LIMCH1: variants seen among roughly 807,000 people sequenced by gnomAD.
LIMCH1 encodes LIM and calponin homology domains 1.
Under a neutral mutation model 176.5 loss-of-function variants are expected in LIMCH1, and 113 were observed. The observed-to-expected ratio is 0.64, with a 90% CI of 0.55 to 0.75. LIMCH1 has a LOEUF of 0.75. LIMCH1 is among the 30% of genes least tolerant of loss of function. LIMCH1 has a pLI of 0.00. For synonymous variants in LIMCH1, 619 were observed against 645.9 expected (o/e 0.96, Z 0.63); for missense variants, 1,674 against 1,814.9 (o/e 0.92, Z 1.41).
chr4:41,475,402 G>T (rs1049619027), intron 1 of LIMCH1, among the ~76,000 whole-genome samples: 4 of 152,188 alleles, frequency 2.6e-5, no homozygotes, highest in Non-Finnish European at 4.4e-5. Flanking sequence ...TGAGTTTGCA[G>T]TAGGGGTCTG....
rs1562028107 is a variant in LIMCH1, at chr4:41,638,106, TTGTTGTTGTTG to T, written c.2091-824_2091-814del. ...CATTTGTGGGAGCTGTGTTGTTTTGTTGTTGTTGTTGTTGTTGTTGTTGTTGTTTTTTCATG... is the reference window on the plus strand; with the variant it reads ...CATTTGTGGGAGCTGTGTTGTTTTGTTTGTTGTTGTTGTTGTTTTTTCATG... On this transcript the variant is annotated intron_variant, in intron 13 of 31. Coordinates refer to ENST00000503057, the MANE Select transcript of LIMCH1 (RefSeq NM_001330672.2). Among the ~76,000 whole-genome samples the T allele has an allele frequency of 8.9e-4, 123 of 138,154 alleles. 1 individual carries two copies. The South Asian group carries it at 0.021, about 24-fold the overall frequency. The allele number at this position is 138,154 out of a possible 152,430, so 90.6% of individuals were successfully genotyped here.
chr4:41,437,829 G>C (rs537865923), intron 1 of LIMCH1, among the ~76,000 whole-genome samples: 8 of 152,080 alleles, frequency 5.3e-5, no homozygotes, highest in Non-Finnish European at 1.0e-4. Context: ...CATTAAAGCA[G>C]TTCCCAAAAA....
At chr4:41,400,989 C>T (rs948377117) in intron 1 of LIMCH1, among the ~76,000 whole-genome samples, 26 of 152,146 alleles carry the variant, frequency 1.7e-4, no homozygotes, top group Admixed American at 9.8e-4. Flanking sequence ...GTTGCCTGTT[C>T]ACTCTGACGG....
intron 7 of LIMCH1, 64 bp from the exon 8 acceptor site, chr4:41,626,644 A>G (rs2092967344): frequency 5.4e-6 from 7 of 1,305,664 alleles, no homozygotes; most frequent in Admixed American, 2.1e-5. Context: ...GTCTGTCTAG[A>G]GATGGAGATT....
At chr4:41,382,015 A>G (rs1296754891) in intron 1 of LIMCH1, among the ~76,000 whole-genome samples, 2 of 152,196 alleles carry the variant, frequency 1.3e-5, no homozygotes, top group African/African-American at 4.8e-5. Flanking sequence ...GGGGCAAAAC[A>G]TCCTCTGATT....
At chr4:41,377,429 A>G (rs1354711243) in intron 1 of LIMCH1, among the ~76,000 whole-genome samples, 1 of 152,202 alleles carries the variant, frequency 6.6e-6, no homozygotes, top group Non-Finnish European at 1.5e-5. Flanking sequence ...GGGGCAGGAA[A>G]GGGCATTCTG....
intron 1 of LIMCH1, among the ~76,000 whole-genome samples, chr4:41,419,674 T>TTCCTTCC: frequency 1.4e-5 from 1 of 72,632 alleles, no homozygotes; most frequent in South Asian, 6.9e-4. Flanking sequence ...CCTTCCTTCC[T>TTCCTTCC]TCCTTCCTCC....
At chr4:41,676,008 TG>T (rs927540555) in intron 22 of LIMCH1, among the ~76,000 whole-genome samples, 17 of 152,356 alleles carry the variant, frequency 1.1e-4, no homozygotes, top group African/African-American at 4.1e-4. Context: ...CTAAAATAAC[TG>T]GTCTCGTTTG....
rs1440536890 is a variant in LIMCH1 at position 41,598,858 on chromosome 4, G to A, written c.-240-62G>A. 10 of 1,061,712 alleles carry A rather than the reference G, an allele frequency of 9.4e-6. No homozygotes were observed. In the Admixed American group the frequency reaches 1.4e-4, roughly 15 times the overall value. The allele number at this position is 1,061,712 out of a possible 1,614,324, so 65.8% of individuals were successfully genotyped here. A position where few individuals can be genotyped will look rare whatever the true frequency, so the allele number is the denominator to read the frequency against. ...CCAGTATCCCTACAGCAACTTGGGA[G>A]GGGCTGGTTCATAAAGATAATCTAA... On this transcript the variant is annotated intron_variant, in intron 1 of 31. Transcript: ENST00000503057.
intron 1 of LIMCH1, chr4:41,453,799 A>G (rs1360207917): frequency 6.6e-6 from 1 of 152,148 alleles, no homozygotes. Flanking sequence ...ATACTCTCTC[A>G]TGTCACTCAC....
chr4:41,359,828 G>T (rs955730223), upstream of LIMCH1: 2 of 152,156 alleles, frequency 1.3e-5, no homozygotes, highest in African/African-American at 4.8e-5. Flanking sequence ...CAAAAGGGGG[G>T]AAGGCTATCG....
intron 20 of LIMCH1, among the ~76,000 whole-genome samples, chr4:41,664,847 G>A (rs2152990562): frequency 6.6e-6 from 1 of 152,274 alleles, no homozygotes; most frequent in South Asian, 2.1e-4. Context: ...GTGTGTTTTT[G>A]TGCATTGTGC....
At chr4:41,679,726 T>C (rs894343956) in intron 23 of LIMCH1, among the ~76,000 whole-genome samples, 3 of 151,762 alleles carry the variant, frequency 2.0e-5, no homozygotes, top group Non-Finnish European at 2.9e-5. Flanking sequence ...AAAACTGGAG[T>C]GAAGGAAGAT....
intron 22 of LIMCH1, among the ~76,000 whole-genome samples, chr4:41,673,185 G>T (rs1164993570): frequency 6.6e-6 from 1 of 152,152 alleles, no homozygotes; most frequent in African/African-American, 2.4e-5. Flanking sequence ...TATCTGTGGA[G>T]GCTCAGTCCC....
intron 1 of LIMCH1, among the ~76,000 whole-genome samples, chr4:41,412,773 T>G (rs2154124728): frequency 6.6e-6 from 1 of 152,320 alleles, no homozygotes; most frequent in South Asian, 2.1e-4. Context: ...TCAAGTACAC[T>G]TGACCTTTGC....
At chr4:41,469,665 G>GATTGATTGATTTATTTATTT (rs1554061021) in intron 1 of LIMCH1, among the ~76,000 whole-genome samples, 53 of 148,356 alleles carry the variant, frequency 3.6e-4, no homozygotes, top group African/African-American at 1.3e-3. Context: ...CTTGTTTTGA[G>GATTGATTGATTTATTTATTT]ATTTATTTAT....
chr4:41,672,384 A>G (rs1340639697), intron 22 of LIMCH1, among the ~76,000 whole-genome samples: 2 of 152,104 alleles, frequency 1.3e-5, no homozygotes, highest in African/African-American at 4.8e-5. Context: ...AAAAGAAAAA[A>G]GAATAGAATA....
chr4:41,485,036 A>G (rs1219204010), intron 1 of LIMCH1, among the ~76,000 whole-genome samples: 1 of 152,250 alleles, frequency 6.6e-6, no homozygotes, highest in African/African-American at 2.4e-5. Flanking sequence ...AGAAATTAGC[A>G]GAGTGGAGCA....
At chr4:41,521,398 A>G (rs2076104535) in intron 2 of LIMCH1, among the ~76,000 whole-genome samples, 2 of 152,334 alleles carry the variant, frequency 1.3e-5, no homozygotes, top group Middle Eastern at 3.4e-3. Context: ...CAGAAGTTAT[A>G]TAAATATAAC....
Sources: allele counts gnomAD v4.1 joint callset (sites outside exome capture counted in the v4.1 genomes callset), GRCh38; gene constraint gnomAD v4.1.1; transcripts MANE v1.5; gene names NCBI Gene and HGNC (gene_info 2026-07-23, HGNC 2026-07-21).